MACF1: variants seen among roughly 807,000 people sequenced by gnomAD.
MACF1 encodes microtubule-actin cross-linking factor 1.
Under a neutral mutation model 854.8 loss-of-function variants are expected in MACF1, and 193 were observed. That is an observed-to-expected ratio of 0.23 (90% CI 0.20 to 0.25). MACF1 has a LOEUF of 0.25. Ranked by LOEUF, MACF1 falls within the 10% of genes least tolerant of loss-of-function variation. The pLI is 1.00. For synonymous variants in MACF1, 3,185 were observed against 3,226.7 expected (o/e 0.99, Z 0.44); for missense variants, 7,722 against 8,929.1 (o/e 0.86, Z 5.45).
In MACF1 at chr1:39,485,823, C is replaced by T; in HGVS notation, c.*29C>T. On this transcript the variant is annotated 3_prime_UTR_variant, in exon 101 of 101. Transcript: ENST00000564288. ...TGTCTAAGCACCCCCAAGCCACTAT[C>T]CACTTTGAATCCTGCTCCATACATT... 1 of 1,546,474 alleles carries T rather than the reference C, an allele frequency of 6.5e-7. No homozygotes were observed. The highest frequency in any genetic ancestry group is 8.7e-7 in the Non-Finnish European group (1 of 1,144,274).
chr1:39,410,861 A>T (rs555429628), intron 58 of MACF1: 1 of 1,614,044 alleles, frequency 6.2e-7, no homozygotes, highest in African/African-American at 1.3e-5. Context: ...CATGTGTCCA[A>T]ATCCATAGGT....
chr1:39,289,663 C>CAA (rs1645728950), intron 15 of MACF1, among the ~76,000 whole-genome samples: 1 of 122,986 alleles, frequency 8.1e-6, no homozygotes, highest in East Asian at 2.5e-4. Flanking sequence ...AAGTAGTTTG[C>CAA]AAACATTTTC....
At chr1:39,439,852 C>T (rs1258176292) in intron 72 of MACF1, among the ~76,000 whole-genome samples, 2 of 152,036 alleles carry the variant, frequency 1.3e-5, no homozygotes, top group Non-Finnish European at 2.9e-5. Context: ...GTGATCCACC[C>T]ACCTTGGCCT....
intron 58 of MACF1, among the ~76,000 whole-genome samples, chr1:39,419,265 A>G (rs1643440872): frequency 6.6e-6 from 1 of 152,246 alleles, no homozygotes; most frequent in African/African-American, 2.4e-5. Flanking sequence ...CTGTCAATCC[A>G]TAGAGTGAAG....
chr1:39,414,380 A>G, intron 58 of MACF1: 1 of 1,613,928 alleles, frequency 6.2e-7, no homozygotes, highest in South Asian at 1.1e-5. Context: ...ATCAAGGAGG[A>G]CCTTGATTCC....
At chr1:39,244,509 C>G (rs1644960481) in intron 2 of MACF1, among the ~76,000 whole-genome samples, 2 of 151,658 alleles carry the variant, frequency 1.3e-5, no homozygotes. Context: ...TCTCGAACTC[C>G]TGACCTCATG....
At chr1:39,306,800 C>A (rs1315747318) in intron 23 of MACF1, among the ~76,000 whole-genome samples, 1 of 151,192 alleles carries the variant, frequency 6.6e-6, no homozygotes, top group African/African-American at 2.4e-5. Flanking sequence ...TTTTTGAAAC[C>A]TCTTATATCT....
intron 2 of MACF1, among the ~76,000 whole-genome samples, chr1:39,171,410 C>T (rs2148221541): frequency 6.6e-6 from 1 of 152,222 alleles, no homozygotes; most frequent in African/African-American, 2.4e-5. Context: ...ATGGAAATCC[C>T]ATATCCATTA....
rs758096114 is a variant in MACF1, at chr1:39,387,220, C to G, written c.14378C>G (p.Ala4793Gly). 6.2e-7 allele frequency: 1 copy of G among 1,614,136 alleles called. No individual in the cohort carries two copies. The highest frequency in any genetic ancestry group is 8.5e-7 in the Non-Finnish European group (1 of 1,180,008). The change falls in exon 58 of 101, where the codon GCC (alanine) becomes GGC (glycine). Residue 4793 changes from alanine (A) to glycine (G), a missense_variant. This residue lies in a region of MACF1 where 2,807 missense variants were observed against 3,235.8 expected (regional missense o/e 0.87). Coordinates refer to ENST00000564288, the MANE Select transcript of MACF1 (RefSeq NM_001394062.1). ...DRINRLQAALASTQQFQQMFD... is the reference protein window; with the variant it reads ...DRINRLQAALGSTQQFQQMFD... ...ATTAACAGACTCCAGGCAGCTCTTG[C>G]CAGCACCCAGCAGTTCCAGCAAATG...
intron 98 of MACF1, 83 bp from the exon 99 acceptor site, chr1:39,480,837 T>C: frequency 1.4e-6 from 1 of 710,174 alleles, no homozygotes; most frequent in Admixed American, 2.5e-5. Context: ...ATCTTCTATT[T>C]ATTTTTTTCT....
At position 39,295,669 on chromosome 1, in the gene MACF1, A is replaced by G. The variant is rs534385110; in HGVS notation, c.2260-118A>G. On this transcript the variant is annotated intron_variant, in intron 19 of 100. Coordinates refer to ENST00000564288, the MANE Select transcript of MACF1 (RefSeq NM_001394062.1). The stretch of plus-strand genomic sequence containing the variant: ...GAGCAGATGCCAGTCAAGTATCTCC[A>G]CATCTTTTCTGTTGGCTTCTCTATC... 25 of 695,306 alleles carry G rather than the reference A, an allele frequency of 3.6e-5. No individual in the cohort carries two copies. The African/African-American group carries it at 4.0e-4, about 11-fold the overall frequency. 43.1% of individuals were successfully genotyped at this position (695,306 alleles called of 1,614,324 possible).
chr1:39,302,523 G>C (rs192434674), intron 22 of MACF1, among the ~76,000 whole-genome samples: 1 of 152,292 alleles, frequency 6.6e-6, no homozygotes, highest in Non-Finnish European at 1.5e-5. Context: ...ATTTTCAGGG[G>C]TTTGGGTGGG....
chr1:39,235,270 G>A (rs1014962286), intron 2 of MACF1, among the ~76,000 whole-genome samples: 2 of 152,268 alleles, frequency 1.3e-5, no homozygotes, highest in Non-Finnish European at 2.9e-5. Context: ...TTGGGAGGCC[G>A]AGGCTGGTGG....
chr1:39,331,531 G>A lies in MACF1; in HGVS notation c.4943G>A (p.Gly1648Glu). ...AAGAGAATAATCAGTGAGACAGTTG[G>A]ACTGAAAATCTTAGAAGCTCACCTG... ...IEKRIISETVGLKILEAHLAT... is the reference protein window; with the variant it reads ...IEKRIISETVELKILEAHLAT... Residue 1648 changes from glycine to glutamate, a missense_variant, in exon 37 of 101, where the codon GGA becomes GAA. Coordinates refer to ENST00000564288, the MANE Select transcript of MACF1 (RefSeq NM_001394062.1). 1.2e-6 allele frequency: 2 copies of A among 1,614,160 alleles called. No homozygotes were observed. The highest frequency in any genetic ancestry group is 1.1e-5 in the South Asian group (1 of 91,074).
At chr1:39,309,537 A>G in intron 23 of MACF1, 33 bp from the exon 24 acceptor site, 1 of 1,612,230 alleles carries the variant, frequency 6.2e-7, no homozygotes, top group Non-Finnish European at 8.5e-7. Context: ...GAAGTCTTAC[A>G]AAGGTAATAG....
chr1:39,379,305 A>C lies in MACF1; in HGVS notation c.13379A>C (p.Asn4460Thr). ...CAGGAAAGCCTTCAGGCTATCCTCA[A>C]CAGAATGGAGGAGGTTCACAAGGAG... ...ERQESLQAILNRMEEVHKEAN... is the reference protein window; with the variant it reads ...ERQESLQAILTRMEEVHKEAN... Residue 4460 changes from asparagine (N) to threonine (T), a missense_variant, in exon 54 of 101, where the codon AAC becomes ACC. By Grantham distance (65) the Asn-to-Thr change is moderately conservative. This residue lies in a region of MACF1 where 2,807 missense variants were observed against 3,235.8 expected (regional missense o/e 0.87). Transcript: ENST00000564288. The C allele has an allele frequency of 6.2e-7, 1 of 1,614,112 alleles. No individual in the cohort carries two copies. Among genetic ancestry groups the C allele is most frequent in the South Asian group, 1.1e-5 (1 of 91,070 alleles).
intron 49 of MACF1, among the ~76,000 whole-genome samples, chr1:39,362,603 C>T (rs1317287030): frequency 6.6e-6 from 1 of 152,108 alleles, no homozygotes; most frequent in Non-Finnish European, 1.5e-5. Flanking sequence ...CAAGCTGTCT[C>T]CTGTGGCTTT....
At chr1:39,301,469 A>T (rs1266824241) in intron 22 of MACF1, among the ~76,000 whole-genome samples, 1 of 151,702 alleles carries the variant, frequency 6.6e-6, no homozygotes, top group Non-Finnish European at 1.5e-5. Context: ...TCTGTGGCCC[A>T]GGCTGGAATG....
Position 39,110,475 on chromosome 1 carries a change from T to C in MACF1, c.220+26037T>C, listed in dbSNP as rs112996203. ...CTGGTCTCAACCCCCTGGCCTCAAG[T>C]GATCATCCTGCCTTGGCCTCACAAA... On this transcript the variant is annotated intron_variant, in intron 2 of 93. Coordinates refer to the MACF1 transcript ENST00000361689. 1.9e-3 allele frequency among the ~76,000 whole-genome samples: 292 copies of C among 152,218 alleles called. 2 individuals are homozygous for C. The highest frequency in any genetic ancestry group is 6.8e-3 in the African/African-American group (282 of 41,540).
Sources: gnomAD v4.1 joint callset for allele counts (sites outside exome capture counted in the v4.1 genomes callset) on GRCh38, gnomAD v4.1.1 for gene constraint, gnomAD v4.1.1 regional missense constraint, MANE v1.5 for transcripts, NCBI Gene and HGNC (gene_info 2026-07-23, HGNC 2026-07-21) for gene names.